Variants in ZNF17 observed in about 807,000 individuals in gnomAD.
ZNF17 encodes zinc finger protein 17, also known as zinc finger protein 17 (HPF3, KOX 10).
A neutral mutation model predicts 7.7 loss-of-function variants in ZNF17; 4 were observed. The ratio of observed to expected loss-of-function variants is 0.52; its 90% CI spans 0.26 to 1.20. The LOEUF (loss-of-function observed/expected upper bound fraction) is 1.20. Ranked by LOEUF, ZNF17 falls within the 50% of genes most tolerant of loss-of-function variation. ZNF17 has a pLI of 0.14. For synonymous variants in ZNF17, 249 were observed against 258.8 expected, an observed-to-expected ratio of 0.96 and a Z score of 0.36; for missense variants, 738 against 799.5, an observed-to-expected ratio of 0.92 and a Z score of 0.93.
rs201521062 is a variant in ZNF17 at position 57,420,692 on chromosome 19, A to G, written c.1206A>G (p.Thr402=). The G allele has an allele frequency of 1.8e-3, 2,878 of 1,613,542 alleles. 5 individuals are homozygous for G. Among genetic ancestry groups the G allele is most frequent in the Non-Finnish European group, 2.2e-3 (2,557 of 1,179,850 alleles). Reference sequence around the variant, plus strand: ...GGAAATTCTTTAGATACCGTTCCACACTCATTAGACATCAGAAAGTTCACA... The same window carrying G: ...GGAAATTCTTTAGATACCGTTCCACGCTCATTAGACATCAGAAAGTTCACA... ...ECGKFFRYRS[T]LIRHQKVHTG... is the part of the protein sequence containing the mutation. Residue 402 remains threonine (T), a synonymous_variant, in exon 4 of 4, where the codon ACA becomes ACG. Coordinates refer to ENST00000307658, the MANE Select transcript of ZNF17 (RefSeq NM_001330617.2).
rs1304873574 is a variant in ZNF17, at chr19:57,420,953, T to G, written c.1467T>G (p.Ser489Arg). 4.3e-6 allele frequency: 7 copies of G among 1,612,308 alleles called. No individual in the cohort carries two copies. The highest frequency in any genetic ancestry group is 5.9e-6 in the Non-Finnish European group (7 of 1,179,494). The change falls in exon 4 of 4, where the codon AGT (serine) becomes AGG (arginine). Residue 489 changes from serine to arginine, a missense_variant. By Grantham distance (110) the Ser-to-Arg change is moderately radical. Transcript: ENST00000307658. ...TTGTGGACAGCTGTACACTGAAGAG[T>G]CATCAGAGAGTTCACACTGGAGAAA... ...KFFVDSCTLK[S>R]HQRVHTGERP...
chr19:57,420,826 A>G lies in ZNF17; in HGVS notation c.1340A>G (p.Asn447Ser), dbSNP rs866224241. Residue 447 changes from asparagine (N) to serine (S), a missense_variant, in exon 4 of 4, where the codon AAC becomes AGC. Physicochemically the swap from Asn to Ser is conservative, Grantham distance 46. This residue lies in a region of ZNF17 where 616 missense variants were observed against 663.9 expected (regional missense o/e 0.93). Transcript: ENST00000307658. ...VHTGEKPYEC[N>S]KCGKFFRYCF... is the part of the protein sequence containing the mutation. The stretch of plus-strand genomic sequence containing the variant: ...ACTGGAGAAAAGCCTTATGAATGCA[A>G]CAAATGTGGGAAATTCTTTAGGTAT... 2 of 1,613,702 alleles carry G rather than the reference A, an allele frequency of 1.2e-6. No homozygotes were observed.
intron 1 of ZNF17, among the ~76,000 whole-genome samples, chr19:57,411,996 G>A (rs2088780313): frequency 1.3e-5 from 2 of 152,182 alleles, no homozygotes; most frequent in South Asian, 4.1e-4. Context: ...TCAGCTTAGG[G>A]AGCAGGTTTC....
chr19:57,413,761 G>A, intron 2 of ZNF17, 125 bp downstream of exon 2: 4 of 1,200,958 alleles, frequency 3.3e-6, no homozygotes, highest in Non-Finnish European at 4.7e-6. Context: ...AGGAGAGCCT[G>A]TAGTTCCACC....
In ZNF17 at chr19:57,420,560, G is replaced by C; in HGVS notation, c.1074G>C (p.Arg358Ser). ...ATCAGAAAGTTCACACTGGAGAAAG[G>C]CCTTTTTATTGCTGTGAATGTGGGA... ...IRHQKVHTGERPFYCCECGKF... is the reference protein window; with the variant it reads ...IRHQKVHTGESPFYCCECGKF... Residue 358 changes from arginine to serine, a missense_variant, in exon 4 of 4, where the codon AGG becomes AGC. By Grantham distance (110) the Arg-to-Ser change is moderately radical. This residue lies in a region of ZNF17 where 616 missense variants were observed against 663.9 expected (regional missense o/e 0.93). Transcript: ENST00000307658. 2 of 1,613,996 alleles carry C rather than the reference G, an allele frequency of 1.2e-6. No homozygotes were observed. Among genetic ancestry groups the C allele is most frequent in the Non-Finnish European group, 1.7e-6 (2 of 1,179,930 alleles).
rs781484279 is a variant in ZNF17 at position 57,420,014 on chromosome 19, C to T, written c.528C>T (p.His176=). ...CTCTTCACAGTGGGTGGAAGCCACACAGGGACACTCATGGTGTGGAGGCCT... is the reference window on the plus strand; with the variant it reads ...CTCTTCACAGTGGGTGGAAGCCACATAGGGACACTCATGGTGTGGAGGCCT... ...QQALHSGWKP[H]RDTHGVEAFQ... is the part of the protein sequence containing the mutation. Residue 176 remains histidine, a synonymous_variant, in exon 4 of 4, where the codon CAC becomes CAT. Transcript: ENST00000307658. 6.2e-7 allele frequency: 1 copy of T among 1,614,196 alleles called. No homozygotes were observed. Among genetic ancestry groups the T allele is most frequent in the Admixed American group, 1.7e-5 (1 of 60,024 alleles).
intron 2 of ZNF17, among the ~76,000 whole-genome samples, chr19:57,414,902 G>C (rs1278007180): frequency 6.6e-6 from 1 of 151,478 alleles, no homozygotes; most frequent in Non-Finnish European, 1.5e-5. Flanking sequence ...TTTTAGTAGA[G>C]CCAGGGTTTC....
chr19:57,418,841 C>T (rs62127937), intron 3 of ZNF17, among the ~76,000 whole-genome samples: 1 of 152,048 alleles, frequency 6.6e-6, no homozygotes, highest in Non-Finnish European at 1.5e-5. Flanking sequence ...CACCTCTGAC[C>T]CTACGTCTCT....
rs771096227 is a variant in ZNF17 at position 57,411,409 on chromosome 19, G to A, written c.-21+3G>A. The A allele has an allele frequency of 6.2e-7, 1 of 1,611,742 alleles. No homozygotes were observed. The highest frequency in any genetic ancestry group is 2.2e-5 in the East Asian group (1 of 44,836). ...CTGCGCCGATGAACCTGACTGAGGT[G>A]GGTGCCGCGTCCCAGGGCGCCCCGC... On this transcript the variant is annotated splice_donor_region_variant and intron_variant, in intron 1 of 3. Coordinates refer to ENST00000307658, the MANE Select transcript of ZNF17 (RefSeq NM_001330617.2).
Position 57,411,206 on chromosome 19 carries a change from C to G in ZNF17, c.-221C>G, listed in dbSNP as rs2088773433. 1 of 780,212 alleles carries G rather than the reference C, an allele frequency of 1.3e-6. No homozygotes were observed. Among genetic ancestry groups the G allele is most frequent in the Non-Finnish European group, 2.0e-6 (1 of 508,292 alleles). The allele number at this position is 780,212 out of a possible 1,614,324, so 48.3% of individuals were successfully genotyped here. A position where few individuals can be genotyped will look rare whatever the true frequency, so the allele number is the denominator to read the frequency against. ...CAATATGGCTGCGTTGGGATCTGTTCACCTTCAGGCTGAGTCGAGACTGAG... is the reference window on the plus strand; with the variant it reads ...CAATATGGCTGCGTTGGGATCTGTTGACCTTCAGGCTGAGTCGAGACTGAG... On this transcript the variant is annotated 5_prime_UTR_variant, in exon 1 of 4. Coordinates refer to ENST00000307658, the MANE Select transcript of ZNF17 (RefSeq NM_001330617.2).
chr19:57,417,650 C>T (rs777120454), intron 2 of ZNF17, among the ~76,000 whole-genome samples: 6 of 151,912 alleles, frequency 3.9e-5, no homozygotes, highest in Admixed American at 1.3e-4. Flanking sequence ...AGTTCTAGAC[C>T]AGCCTGAACA....
chr19:57,417,711 G>A (rs2088819878), intron 2 of ZNF17, among the ~76,000 whole-genome samples: 1 of 151,896 alleles, frequency 6.6e-6, no homozygotes, highest in African/African-American at 2.4e-5. Context: ...GCCAGTCATG[G>A]TGGCACGCGC....
intron 2 of ZNF17, among the ~76,000 whole-genome samples, chr19:57,416,258 C>T (rs1031736180): frequency 9.2e-5 from 14 of 152,104 alleles, no homozygotes; most frequent in African/African-American, 3.1e-4. Flanking sequence ...CATGGTAACA[C>T]GCCATGGAAA....
chr19:57,419,527 G>A (rs2088833178), intron 3 of ZNF17, 108 bp from the exon 4 acceptor site: 9 of 1,248,070 alleles, frequency 7.2e-6, no homozygotes, highest in Non-Finnish European at 1.0e-5. Flanking sequence ...TCCCATGCCT[G>A]TCACCAATCC....
In ZNF17 at chr19:57,417,930, G is replaced by A; in HGVS notation, c.40G>A (p.Asp14Asn). The A allele has an allele frequency of 6.2e-7, 1 of 1,614,022 alleles. No homozygotes were observed. The stretch of plus-strand genomic sequence containing the variant: ...TTGGCAGGATTATATGGTTTTTGAG[G>A]ACGTGGCCATACATTTCTCCCAGGA... ...DAGQDYMVFEDVAIHFSQEEW... is the reference protein window; with the variant it reads ...DAGQDYMVFENVAIHFSQEEW... Residue 14 changes from aspartate (D) to asparagine (N), a missense_variant, in exon 3 of 4, where the codon GAC (aspartate) becomes AAC (asparagine). Physicochemically the swap from Asp to Asn is conservative, Grantham distance 23. This residue lies in a region of ZNF17 where 616 missense variants were observed against 663.9 expected (regional missense o/e 0.93). Transcript: ENST00000307658.
chr19:57,421,247 C>T lies in ZNF17; in HGVS notation c.1761C>T (p.Ser587=). 4.3e-6 allele frequency: 7 copies of T among 1,613,854 alleles called. No homozygotes were observed. The highest frequency in any genetic ancestry group is 5.9e-6 in the Non-Finnish European group (7 of 1,179,940). Residue 587 remains serine (S), a synonymous_variant, in exon 4 of 4, where the codon AGC becomes AGT. Coordinates refer to ENST00000307658, the MANE Select transcript of ZNF17 (RefSeq NM_001330617.2). ...VHTRERTYKC[S]KCGKFFMDSS... Reference sequence around the variant, plus strand: ...CTAGGGAAAGAACTTACAAATGCAGCAAATGTGGGAAATTTTTTATGGACA... The same window carrying T: ...CTAGGGAAAGAACTTACAAATGCAGTAAATGTGGGAAATTTTTTATGGACA...
chr19:57,411,197 G>T lies in ZNF17; in HGVS notation c.-230G>T. On this transcript the variant is annotated 5_prime_UTR_variant, in exon 1 of 4. The change creates a premature stop within an existing upstream ORF in the 5' untranslated region. Transcript: ENST00000307658. Reference sequence around the variant, plus strand: ...TGGGGTTGTCAATATGGCTGCGTTGGGATCTGTTCACCTTCAGGCTGAGTC... The same window carrying T: ...TGGGGTTGTCAATATGGCTGCGTTGTGATCTGTTCACCTTCAGGCTGAGTC... 2 of 709,546 alleles carry T rather than the reference G, an allele frequency of 2.8e-6. No homozygotes were observed. The highest frequency in any genetic ancestry group is 2.2e-5 in the South Asian group (1 of 44,954). 44.0% of individuals were successfully genotyped at this position (709,546 alleles called of 1,614,324 possible).
chr19:57,420,266 A>G lies in ZNF17; in HGVS notation c.780A>G (p.Lys260=), dbSNP rs754234516. 1 of 1,614,116 alleles carries G rather than the reference A, an allele frequency of 6.2e-7. No homozygotes were observed. The highest frequency in any genetic ancestry group is 8.5e-7 in the Non-Finnish European group (1 of 1,180,012). ...CSECGKAFSL[K]YNVVQHQKIH... is the part of the protein sequence containing the mutation. ...AATGTGGAAAAGCCTTCAGCCTCAA[A>G]TACAATGTTGTTCAACACCAGAAAA... is the stretch of plus-strand genomic sequence containing the variant. The change falls in exon 4 of 4, where the codon AAA becomes AAG. Residue 260 remains lysine (K), a synonymous_variant. Transcript: ENST00000307658.
intron 1 of ZNF17, 58 bp downstream of exon 1, chr19:57,411,464 G>C (rs571462678): frequency 6.9e-6 from 11 of 1,593,652 alleles, no homozygotes; most frequent in African/African-American, 6.7e-5. Context: ...CCGAAGCCCC[G>C]AGGAGGGGCC....
Sources: gnomAD v4.1 joint callset for allele counts (sites outside exome capture counted in the v4.1 genomes callset) on GRCh38, gnomAD v4.1.1 for gene constraint, gnomAD v4.1.1 regional missense constraint, MANE v1.5 for transcripts, NCBI Gene and HGNC (gene_info 2026-07-23, HGNC 2026-07-21) for gene names.